Variants in MACF1 observed in about 807,000 individuals in gnomAD.
The protein encoded by MACF1 is microtubule actin crosslinking factor 1.
Under a neutral mutation model 854.8 loss-of-function variants are expected in MACF1, and 193 were observed. The ratio of observed to expected loss-of-function variants is 0.23; its 90% CI spans 0.20 to 0.25. The LOEUF is 0.25. Ranked by LOEUF, MACF1 falls within the 10% of genes least tolerant of loss-of-function variation. MACF1 has a pLI of 1.00. For missense variants in MACF1, 7,722 were observed against 8,929.1 expected (o/e 0.86, Z 5.45); for synonymous variants, 3,185 against 3,226.7 (o/e 0.99, Z 0.44).
intron 2 of MACF1, among the ~76,000 whole-genome samples, chr1:39,095,725 A>G (rs1641920844): frequency 1.3e-5 from 2 of 151,184 alleles, no homozygotes; most frequent in South Asian, 4.2e-4. Flanking sequence ...CCACAAAAAA[A>G]AAAATTAGGT....
At position 39,176,109 on chromosome 1, in the gene MACF1, C is replaced by CAAAAAAAAAAAAAAAAAA. The variant is rs773763271; in HGVS notation, c.221-55072_221-55055dup. 7.5e-3 allele frequency among the ~76,000 whole-genome samples: 100 copies of CAAAAAAAAAAAAAAAAAA among 13,338 alleles called. 26 individuals carry two copies. The highest frequency in any genetic ancestry group is 0.015 in the Non-Finnish European group (52 of 3,534). 8.8% of individuals were successfully genotyped at this position (13,338 alleles called of 152,430 possible). A position where few individuals can be genotyped will look rare whatever the true frequency, so the allele number is the denominator to read the frequency against. On this transcript the variant is annotated intron_variant, in intron 2 of 93. Coordinates refer to the MACF1 transcript ENST00000361689. Reference sequence around the variant, plus strand: ...TGGGCGACAGAGCGAGACTCCTTCTCAAAAAAAAAAAAAAAAAAGCCAGGT... The same window carrying CAAAAAAAAAAAAAAAAAA: ...TGGGCGACAGAGCGAGACTCCTTCTCAAAAAAAAAAAAAAAAAAAAAAAAAAAAAAAAAAAAGCCAGGT...
chr1:39,256,931 C>T (rs1645103817), intron 5 of MACF1, among the ~76,000 whole-genome samples: 1 of 151,488 alleles, frequency 6.6e-6, no homozygotes, highest in Non-Finnish European at 1.5e-5. Flanking sequence ...AAATCTTGGC[C>T]CTGATGGCAA....
rs761117158 is a variant in MACF1 at position 39,422,819 on chromosome 1, A to G, written c.16068A>G (p.Ala5356=). The G allele has an allele frequency of 9.9e-6, 16 of 1,614,206 alleles. No homozygotes were observed. The Admixed American group carries it at 2.3e-4, about 24-fold the overall frequency. The change falls in exon 60 of 101, where the codon GCA becomes GCG. Residue 5356 remains alanine, a synonymous_variant. Transcript: ENST00000564288. ...TGGAGCCATTGCTCAGCTGGTTGGC[A>G]GATACCGAGGAGCTCATAGCCAATC... ...DALEPLLSWL[A]DTEELIANQK...
chr1:39,133,216 G>C (rs1643055344), intron 2 of MACF1, among the ~76,000 whole-genome samples: 1 of 152,170 alleles, frequency 6.6e-6, no homozygotes, highest in African/African-American at 2.4e-5. Context: ...CTGGGGCTGG[G>C]GGTATGGGGT....
At chr1:39,448,004 C>T in intron 82 of MACF1, 29 bp from the exon 83 acceptor site, 1 of 1,613,414 alleles carries the variant, frequency 6.2e-7, no homozygotes, top group Non-Finnish European at 8.5e-7. Context: ...ATATTCATTC[C>T]TGTTAACTTA....
chr1:39,414,059 A>G, intron 58 of MACF1: 1 of 1,606,350 alleles, frequency 6.2e-7, no homozygotes, highest in Non-Finnish European at 8.5e-7. Context: ...CTCACCCCAG[A>G]GGAACTCAGT....
At chr1:39,224,629 A>T (rs188048062) in intron 1 of MACF1, among the ~76,000 whole-genome samples, 32 of 152,298 alleles carry the variant, frequency 2.1e-4, no homozygotes, top group African/African-American at 7.2e-4. Flanking sequence ...TTGTCATCAT[A>T]CTTGTTCAGA....
intron 11 of MACF1, 150 bp downstream of exon 11, chr1:39,284,578 T>A (rs773990580): frequency 5.4e-5 from 25 of 460,500 alleles, no homozygotes; most frequent in Non-Finnish European, 8.8e-5. Flanking sequence ...CTCAGGCTGG[T>A]CTTAAAATGT....
chr1:39,262,525 A>T (rs1645176113), intron 6 of MACF1, among the ~76,000 whole-genome samples: 1 of 151,812 alleles, frequency 6.6e-6, no homozygotes, highest in African/African-American at 2.4e-5. Flanking sequence ...AACTTGACAG[A>T]GGTTTAGAGA....
In MACF1 at chr1:39,387,206, C is replaced by T; in HGVS notation, c.14364C>T (p.Leu4788=). ...EDLAADRINR[L]QAALASTQQF... ...TTTCAGCCGATCGCATTAACAGACT[C>T]CAGGCAGCTCTTGCCAGCACCCAGC... Residue 4788 remains leucine (L), a synonymous_variant, in exon 58 of 101, where the codon CTC becomes CTT. Transcript: ENST00000564288. 6.2e-7 allele frequency: 1 copy of T among 1,613,744 alleles called. No individual in the cohort carries two copies. The highest frequency in any genetic ancestry group is 8.5e-7 in the Non-Finnish European group (1 of 1,179,838).
chr1:39,438,382 GT>G (rs1433974897), intron 71 of MACF1, among the ~76,000 whole-genome samples: 1 of 152,180 alleles, frequency 6.6e-6, no homozygotes, highest in Non-Finnish European at 1.5e-5. Flanking sequence ...TAAGTTAGGG[GT>G]TTTGTATCTT....
In MACF1 at chr1:39,387,264, T is replaced by A. The variant is rs777831885; in HGVS notation, c.14422T>A (p.Trp4808Arg). The stretch of plus-strand genomic sequence containing the variant: ...GCAAATGTTTGATGAGTTGAGGACC[T>A]GGTTGGATGATAAACAAAGCCAGCA... ...FQQMFDELRT[W>R]LDDKQSQQAK... Residue 4808 changes from tryptophan to arginine, a missense_variant, in exon 58 of 101, where the codon TGG becomes AGG. Around this residue, in one of 15 missense-constraint regions of MACF1, gnomAD observed 2,807 missense variants for 3,235.8 expected, o/e 0.87. Transcript: ENST00000564288. 1.2e-6 allele frequency: 2 copies of A among 1,614,098 alleles called. No individual in the cohort carries two copies. Among genetic ancestry groups the A allele is most frequent in the Non-Finnish European group, 1.7e-6 (2 of 1,180,040 alleles).
chr1:39,424,787 A>C (rs991519824), intron 61 of MACF1, among the ~76,000 whole-genome samples: 1 of 152,222 alleles, frequency 6.6e-6, no homozygotes, highest in Non-Finnish European at 1.5e-5. Context: ...TTAATAAGTC[A>C]CATAGATGTC....
At chr1:39,274,684 A>G (rs370792088) in intron 6 of MACF1, among the ~76,000 whole-genome samples, 20 of 152,174 alleles carry the variant, frequency 1.3e-4, no homozygotes, top group African/African-American at 4.8e-4. Flanking sequence ...AGGGGTTACT[A>G]TCCTATAGAT....
intron 31 of MACF1, among the ~76,000 whole-genome samples, chr1:39,320,086 A>G (rs1400719819): frequency 6.6e-6 from 1 of 152,038 alleles, no homozygotes; most frequent in Non-Finnish European, 1.5e-5. Context: ...TTTTTTTCTA[A>G]TTGCTGAGGC....
intron 5 of MACF1, among the ~76,000 whole-genome samples, chr1:39,256,968 G>A (rs1197295424): frequency 6.6e-6 from 1 of 151,806 alleles, no homozygotes; most frequent in Non-Finnish European, 1.5e-5. Context: ...AATACCTTGT[G>A]CTTGCGAGGT....
intron 44 of MACF1, among the ~76,000 whole-genome samples, chr1:39,354,352 C>A (rs12750214): frequency 1.3e-3 from 198 of 152,182 alleles, no homozygotes; most frequent in Non-Finnish European, 2.0e-3. Flanking sequence ...CACCACTCAC[C>A]AAAGTTAGGG....
chr1:39,248,736 C>CT (rs918723052), intron 2 of MACF1, among the ~76,000 whole-genome samples: 1 of 151,870 alleles, frequency 6.6e-6, no homozygotes, highest in Admixed American at 6.6e-5. Context: ...TGAACATCAC[C>CT]TTTTTTTTCG....
intron 6 of MACF1, 110 bp from the exon 7 acceptor site, chr1:39,282,098 T>C: frequency 4.5e-6 from 5 of 1,100,814 alleles, no homozygotes; most frequent in Non-Finnish European, 5.2e-6. Context: ...TCTAAAGTGC[T>C]TCCAGCCTTG....
Sources: gnomAD v4.1 joint callset for allele counts (sites outside exome capture counted in the v4.1 genomes callset) on GRCh38, gnomAD v4.1.1 for gene constraint, gnomAD v4.1.1 regional missense constraint, MANE v1.5 for transcripts, NCBI Gene and HGNC (gene_info 2026-07-23, HGNC 2026-07-21) for gene names.